The following HIPK2 variants were observed in gnomAD, a reference collection of about 807,000 sequenced individuals.
The protein encoded by HIPK2 is homeodomain interacting protein kinase 2, also known as homeodomain-interacting protein kinase 2.
Under a neutral mutation model 113.7 loss-of-function variants are expected in HIPK2, and 27 were observed. The observed-to-expected ratio is 0.24, with a 90% CI of 0.17 to 0.33. The LOEUF is 0.33. Among genes scored for constraint, HIPK2 ranks in the 10% least tolerant of loss-of-function variants. HIPK2 has a pLI of 1.00. For missense variants in HIPK2, 1,257 were observed against 1,588.0 expected (o/e 0.79, Z 3.54); for synonymous variants, 631 against 642.2 (o/e 0.98, Z 0.26).
intron 12 of HIPK2, among the ~76,000 whole-genome samples, chr7:139,587,515 C>T (rs896117795): frequency 2.4e-4 from 30 of 126,906 alleles, no homozygotes; most frequent in Admixed American, 5.5e-4. Context: ...AAAAAAAAAG[C>T]AAAAGAGATT....
chr7:139,731,717 C>T (rs1795788826), intron 1 of HIPK2, among the ~76,000 whole-genome samples: 1 of 152,212 alleles, frequency 6.6e-6, no homozygotes, highest in East Asian at 1.9e-4. Flanking sequence ...GCAGATAACC[C>T]TTTCCCCCAG....
intron 10 of HIPK2, among the ~76,000 whole-genome samples, chr7:139,602,247 C>A (rs1216440089): frequency 6.6e-6 from 1 of 152,170 alleles, no homozygotes; most frequent in Non-Finnish European, 1.5e-5. Flanking sequence ...GCCACTGCAT[C>A]CGACCAAGAA....
intron 1 of HIPK2, 65 bp from the exon 2 acceptor site, chr7:139,717,080 T>A (rs1795270104): frequency 1.3e-6 from 2 of 1,529,446 alleles, no homozygotes; most frequent in Admixed American, 2.0e-5. Context: ...ACTCAACAGA[T>A]CCCCTTCAGT....
At chr7:139,646,802 G>C (rs1044541318) in intron 2 of HIPK2, among the ~76,000 whole-genome samples, 4 of 152,096 alleles carry the variant, frequency 2.6e-5, no homozygotes, top group South Asian at 4.1e-4. Flanking sequence ...AGAAAGGAAG[G>C]CAGGAGGAAG....
chr7:139,646,372 C>T (rs940097738), intron 2 of HIPK2, among the ~76,000 whole-genome samples: 3 of 151,992 alleles, frequency 2.0e-5, no homozygotes, highest in Non-Finnish European at 4.4e-5. Flanking sequence ...TGGTTGTACA[C>T]ACCTGTAGTC....
chr7:139,740,423 C>A (rs1796066578), intron 1 of HIPK2, among the ~76,000 whole-genome samples: 1 of 152,214 alleles, frequency 6.6e-6, no homozygotes, highest in East Asian at 1.9e-4. Flanking sequence ...GTGCAAAGTG[C>A]AGCTGCAGCA....
At position 139,631,057 on chromosome 7, in the gene HIPK2, A is replaced by G. The variant is rs959203328; in HGVS notation, c.1347+108T>C. On this transcript the variant is annotated intron_variant, in intron 4 of 14. Transcript: ENST00000406875. This position sits in a 1 kb window ranked among gnomAD's most constrained non-coding sequence, Gnocchi z 4.9. ...ACCATGTATTAACAACAGCACCCCCAGTGCCCTCATTTTGCTGACTGAATC... is the reference window on the plus strand; with the variant it reads ...ACCATGTATTAACAACAGCACCCCCGGTGCCCTCATTTTGCTGACTGAATC... 17 of 1,403,304 alleles carry G rather than the reference A, an allele frequency of 1.2e-5. No individual in the cohort carries two copies. The highest frequency in any genetic ancestry group is 2.5e-5 in the East Asian group (1 of 39,942). 86.9% of individuals were successfully genotyped at this position (1,403,304 alleles called of 1,614,324 possible).
In HIPK2 at chr7:139,614,503, T is replaced by A; in HGVS notation, c.1783-10A>T. ...TGGTAGAGGAGGGAGCCTAAAGGAG[T>A]GATGGGGATTAAACAAAAATAAACA... On this transcript the variant is annotated splice_polypyrimidine_tract_variant and intron_variant, in intron 7 of 14. Coordinates refer to ENST00000406875, the MANE Select transcript of HIPK2 (RefSeq NM_022740.5). 1 of 1,354,678 alleles carries A rather than the reference T, an allele frequency of 7.4e-7. No homozygotes were observed. Among genetic ancestry groups the A allele is most frequent in the Non-Finnish European group, 9.6e-7 (1 of 1,040,956 alleles). The allele number at this position is 1,354,678 out of a possible 1,614,324, so 83.9% of individuals were successfully genotyped here.
intron 2 of HIPK2, among the ~76,000 whole-genome samples, chr7:139,634,382 T>C (rs1043840054): frequency 3.9e-5 from 6 of 151,962 alleles, no homozygotes; most frequent in Non-Finnish European, 7.4e-5. Flanking sequence ...GGACTGCGCA[T>C]GTATTGTCAG....
At chr7:139,660,628 G>A (rs183119649) in intron 2 of HIPK2, among the ~76,000 whole-genome samples, 6 of 152,280 alleles carry the variant, frequency 3.9e-5, no homozygotes. Flanking sequence ...ACAATCACTT[G>A]TTCTCAACAG....
intron 1 of HIPK2, among the ~76,000 whole-genome samples, chr7:139,741,052 CAGG>C (rs2117077990): frequency 6.6e-6 from 1 of 152,262 alleles, no homozygotes; most frequent in South Asian, 2.1e-4. Context: ...GAGGCTGAGG[CAGG>C]AGAACTGCTT....
chr7:139,681,366 C>T (rs9690885), intron 2 of HIPK2, among the ~76,000 whole-genome samples: 42,689 of 152,026 alleles, frequency 0.28, 8,131 homozygotes, highest in African/African-American at 0.55. Context: ...TCAGGTCCTT[C>T]TAAATGGTCT....
At position 139,721,072 on chromosome 7, in the gene HIPK2, C is replaced by T. The variant is rs567432927; in HGVS notation, c.20-4057G>A. 3.0e-4 allele frequency among the ~76,000 whole-genome samples: 46 copies of T among 152,310 alleles called. 1 individual carries two copies. Among genetic ancestry groups the T allele is most frequent in the African/African-American group, 9.4e-4 (39 of 41,560 alleles). The stretch of plus-strand genomic sequence containing the variant: ...GGCTGGAAACACCCTGCACCACAGC[C>T]GGCTGCCTCAGACTCCGGCCTGGCC... On this transcript the variant is annotated intron_variant, in intron 1 of 14. Coordinates refer to ENST00000406875, the MANE Select transcript of HIPK2 (RefSeq NM_022740.5).
chr7:139,732,070 A>C (rs1795804098), intron 1 of HIPK2, among the ~76,000 whole-genome samples: 1 of 152,220 alleles, frequency 6.6e-6, no homozygotes, highest in Non-Finnish European at 1.5e-5. Context: ...GAGAAAAGAG[A>C]AGGCAAGTGA....
rs777370798 is a variant in HIPK2 at position 139,604,216 on chromosome 7, C to A, written c.2120G>T (p.Trp707Leu). 1 of 1,610,798 alleles carries A rather than the reference C, an allele frequency of 6.2e-7. No individual in the cohort carries two copies. The highest frequency in any genetic ancestry group is 2.2e-5 in the East Asian group (1 of 44,846). Reference sequence around the variant, plus strand: ...CAGGATCTGCTGGGTCCCACTTGGCCAAGCCTGCTGTAGAACACAGGACAT... The same window carrying A: ...CAGGATCTGCTGGGTCCCACTTGGCAAAGCCTGCTGTAGAACACAGGACAT... ...IQPGLLAQQA[W>L]PSGTQQILLP... The change falls in exon 10 of 15, where the codon TGG (tryptophan) becomes TTG (leucine). Residue 707 changes from tryptophan to leucine, a missense_variant. Trp to Leu is a moderately conservative substitution (Grantham distance 61). This residue lies in a region of HIPK2 where 862 missense variants were observed against 1,004.3 expected (regional missense o/e 0.86). Transcript: ENST00000406875.
At position 139,683,893 on chromosome 7, in the gene HIPK2, T is replaced by C. The variant is rs1462710878; in HGVS notation, c.1103+32039A>G. 6.6e-6 allele frequency among the ~76,000 whole-genome samples: 1 copy of C among 152,182 alleles called. No homozygotes were observed. The highest frequency in any genetic ancestry group is 1.9e-4 in the East Asian group (1 of 5,176). On this transcript the variant is annotated intron_variant, in intron 2 of 14. Coordinates refer to ENST00000406875, the MANE Select transcript of HIPK2 (RefSeq NM_022740.5). This position sits in a 1 kb window ranked among gnomAD's most constrained non-coding sequence, Gnocchi z 4.2. Reference sequence around the variant, plus strand: ...TGGGCTTGGAATTTGGGGAGGGGCATATATATAGAGAGACATACCTCATTA... The same window carrying C: ...TGGGCTTGGAATTTGGGGAGGGGCACATATATAGAGAGACATACCTCATTA...
chr7:139,662,684 A>G (rs1440314386), intron 2 of HIPK2, among the ~76,000 whole-genome samples: 1 of 144,718 alleles, frequency 6.9e-6, no homozygotes, highest in Non-Finnish European at 1.5e-5. Context: ...CAGTGGCGTG[A>G]TCTCGGCTCA....
chr7:139,586,742 G>A (rs1159273742), intron 12 of HIPK2, among the ~76,000 whole-genome samples: 1 of 151,824 alleles, frequency 6.6e-6, no homozygotes, highest in Non-Finnish European at 1.5e-5. Flanking sequence ...CTGGGTGTCA[G>A]AGTGAAACCC....
rs1798116454 is a variant in HIPK2, at chr7:139,567,135, A to G, written c.*5792T>C. 6.6e-6 allele frequency: 1 copy of G among 152,098 alleles called. No individual in the cohort carries two copies. Among genetic ancestry groups the G allele is most frequent in the Non-Finnish European group, 1.5e-5 (1 of 68,036 alleles). The allele number at this position is 152,098 out of a possible 1,614,324, so 9.4% of individuals were successfully genotyped here. A position where few individuals can be genotyped will look rare whatever the true frequency, so the allele number is the denominator to read the frequency against. The stretch of plus-strand genomic sequence containing the variant: ...TCTCTAGTGGCCTGAGATTTTACTG[A>G]GTCTGGTCTGTGGAGATGAGAAGTG... On this transcript the variant is annotated 3_prime_UTR_variant, in exon 15 of 15. Transcript: ENST00000406875.
Sources: gnomAD v4.1 joint callset for allele counts (sites outside exome capture counted in the v4.1 genomes callset) on GRCh38, gnomAD v4.1.1 for gene constraint, gnomAD v4.1.1 regional missense constraint, Gnocchi (gnomAD v3.1) non-coding constraint, MANE v1.5 for transcripts, NCBI Gene and HGNC (gene_info 2026-07-23, HGNC 2026-07-21) for gene names.